Variants in TSPYL1 observed in about 807,000 individuals in gnomAD.
TSPYL1 encodes the protein testis-specific Y-encoded-like protein 1.
A neutral mutation model predicts 20.1 loss-of-function variants in TSPYL1; 16 were observed. The ratio of observed to expected loss-of-function variants is 0.80; its 90% CI spans 0.54 to 1.21. TSPYL1 has a LOEUF of 1.21. Ranked by LOEUF, TSPYL1 falls within the 50% of genes most tolerant of loss-of-function variation. TSPYL1 has a pLI of 0.00. For synonymous variants in TSPYL1, 259 were observed against 227.1 expected (o/e 1.14, Z -1.26); for missense variants, 560 against 569.3 (o/e 0.98, Z 0.17).
At position 116,279,800 on chromosome 6, in the gene TSPYL1, T is replaced by C; in HGVS notation, c.31A>G (p.Thr11Ala). Residue 11 changes from threonine (T) to alanine (A), a missense_variant, in exon 1 of 1, where the codon ACT (threonine) becomes GCT (alanine). Coordinates refer to ENST00000368608, the MANE Select transcript of TSPYL1 (RefSeq NM_003309.4). MSGLDGVKRT[T>A]PLQTHSIIIS... ...ATGATGCTGTGGGTTTGGAGGGGAGTGGTCCTCTTGACCCCATCCAGGCCG... is the reference window on the plus strand; with the variant it reads ...ATGATGCTGTGGGTTTGGAGGGGAGCGGTCCTCTTGACCCCATCCAGGCCG... The C allele has an allele frequency of 1.9e-6, 3 of 1,612,434 alleles. No homozygotes were observed. The highest frequency in any genetic ancestry group is 2.2e-5 in the East Asian group (1 of 44,856).
In TSPYL1 at chr6:116,275,447, C is replaced by A. The variant is rs143817285; in HGVS notation, c.*3070G>T. ...TTTCTGAGAACTAGGTTATTTTGTT[C>A]TTTTTCCTCCATCTGAGTTTTGTCA... On this transcript the variant is annotated 3_prime_UTR_variant, in exon 1 of 1. Transcript: ENST00000368608. Among the ~76,000 whole-genome samples, 6 of 152,320 alleles carry A rather than the reference C, an allele frequency of 3.9e-5. No homozygotes were observed. Among genetic ancestry groups the A allele is most frequent in the South Asian group, 2.1e-4 (1 of 4,828 alleles).
rs1392338895 is a variant in TSPYL1, at chr6:116,279,757, G to C, written c.74C>G (p.Pro25Arg). 5.6e-6 allele frequency: 9 copies of C among 1,612,078 alleles called. No homozygotes were observed. The African/African-American group carries it at 9.3e-5, about 17-fold the overall frequency. Residue 25 changes from proline (P) to arginine (R), a missense_variant, in exon 1 of 1, where the codon CCG becomes CGG. Pro to Arg is a moderately radical substitution (Grantham distance 103). Transcript: ENST00000368608. ...THSIIISDQV[P>R]SDQDAHQYLR... ...GTACTGGTGTGCGTCCTGGTCGCTC[G>C]GGACTTGGTCAGAAATAATGATGCT...
In TSPYL1 at chr6:116,275,531, T is replaced by C. The variant is rs1299650635; in HGVS notation, c.*2986A>G. ...ATTATGCTAGATGGGCTGGGTGCGG[T>C]GGCTCACGCCTGTAATCCCAGCACT... On this transcript the variant is annotated 3_prime_UTR_variant, in exon 1 of 1. Coordinates refer to ENST00000368608, the MANE Select transcript of TSPYL1 (RefSeq NM_003309.4). Among the ~76,000 whole-genome samples the C allele has an allele frequency of 6.6e-6, 1 of 152,238 alleles. No homozygotes were observed. The highest frequency in any genetic ancestry group is 1.5e-5 in the Non-Finnish European group (1 of 68,046).
rs188471879 is a variant in TSPYL1, at chr6:116,275,477, A to G, written c.*3040T>C. 1.5e-3 allele frequency among the ~76,000 whole-genome samples: 222 copies of G among 152,310 alleles called. 1 individual carries two copies. The highest frequency in any genetic ancestry group is 5.1e-3 in the African/African-American group (212 of 41,556). Reference sequence around the variant, plus strand: ...TCCTCCATCTGAGTTTTGTCATTCAATATTTATCTGCTGACAACTATGCAA... The same window carrying G: ...TCCTCCATCTGAGTTTTGTCATTCAGTATTTATCTGCTGACAACTATGCAA... On this transcript the variant is annotated 3_prime_UTR_variant, in exon 1 of 1. Coordinates refer to ENST00000368608, the MANE Select transcript of TSPYL1 (RefSeq NM_003309.4).
In TSPYL1 at chr6:116,276,811, A is replaced by C. The variant is rs929625047; in HGVS notation, c.*1706T>G. 1.3e-5 allele frequency: 2 copies of C among 152,202 alleles called. No homozygotes were observed. Among genetic ancestry groups the C allele is most frequent in the Admixed American group, 6.5e-5 (1 of 15,282 alleles). 9.4% of individuals were successfully genotyped at this position (152,202 alleles called of 1,614,324 possible). A position where few individuals can be genotyped will look rare whatever the true frequency, so the allele number is the denominator to read the frequency against. ...TGGTACACTTCCAATTTGTCAGAGC[A>C]ATTTCACAGTATTTAAGCAATTTAG... On this transcript the variant is annotated 3_prime_UTR_variant, in exon 1 of 1. Coordinates refer to ENST00000368608, the MANE Select transcript of TSPYL1 (RefSeq NM_003309.4).
rs10456904 is a variant in TSPYL1, at chr6:116,277,630, G to A, written c.*887C>T. 36,738 of 151,724 alleles carry A rather than the reference G, an allele frequency of 0.24. 5,562 individuals carry two copies. Among genetic ancestry groups the A allele is most frequent in the East Asian group, 0.64 (3,317 of 5,168 alleles). 9.4% of individuals were successfully genotyped at this position (151,724 alleles called of 1,614,324 possible). A position where few individuals can be genotyped will look rare whatever the true frequency, so the allele number is the denominator to read the frequency against. On this transcript the variant is annotated 3_prime_UTR_variant, in exon 1 of 1. Coordinates refer to ENST00000368608, the MANE Select transcript of TSPYL1 (RefSeq NM_003309.4). Reference sequence around the variant, plus strand: ...AAATAAAAACCTTGCTTTTACAAATGTTTCTGAGCTATCACTTTTTTAAGA... The same window carrying A: ...AAATAAAAACCTTGCTTTTACAAATATTTCTGAGCTATCACTTTTTTAAGA...
rs1773166825 is a variant in TSPYL1 at position 116,276,869 on chromosome 6, CA to C, written c.*1647del. ...GATATATCACTTACTAAGTTGTTAC[CA>C]GGGAAAATTATCATGTAAGACAATC... On this transcript the variant is annotated 3_prime_UTR_variant, in exon 1 of 1. Coordinates refer to ENST00000368608, the MANE Select transcript of TSPYL1 (RefSeq NM_003309.4). 1 of 152,120 alleles carries C rather than the reference CA, an allele frequency of 6.6e-6. No homozygotes were observed. The highest frequency in any genetic ancestry group is 1.5e-5 in the Non-Finnish European group (1 of 68,012). The allele number at this position is 152,120 out of a possible 1,614,324, so 9.4% of individuals were successfully genotyped here. A position where few individuals can be genotyped will look rare whatever the true frequency, so the allele number is the denominator to read the frequency against.
rs1257396451 is a variant in TSPYL1 at position 116,279,014 on chromosome 6, G to C, written c.817C>G (p.Gln273Glu). 1.2e-6 allele frequency: 2 copies of C among 1,614,000 alleles called. No individual in the cohort carries two copies. Among genetic ancestry groups the C allele is most frequent in the Non-Finnish European group, 1.7e-6 (2 of 1,180,004 alleles). ...GTCATCCAGAAGCCCGGGATATTCT[G>C]AATGATGTAGTTCCTCCGCTCCAGG... Reference protein sequence around the residue: ...HYLERRNYIIQNIPGFWMTAF... With the variant: ...HYLERRNYIIENIPGFWMTAF... Residue 273 changes from glutamine to glutamate, a missense_variant, in exon 1 of 1, where the codon CAG becomes GAG. Coordinates refer to ENST00000368608, the MANE Select transcript of TSPYL1 (RefSeq NM_003309.4).
Position 116,279,148 on chromosome 6 carries a change from C to T in TSPYL1, c.683G>A (p.Arg228His). 6.2e-7 allele frequency: 1 copy of T among 1,613,928 alleles called. No individual in the cohort carries two copies. Among genetic ancestry groups the T allele is most frequent in the African/African-American group, 1.3e-5 (1 of 75,038 alleles). The change falls in exon 1 of 1, where the codon CGC becomes CAC. Residue 228 changes from arginine (R) to histidine (H), a missense_variant. Transcript: ENST00000368608. ...EGPWPLHEAL[R>H]MDPLEAIQLE... ...CTGGATGGCCTCCAGAGGGTCCATG[C>T]GGAGAGCCTCATGCAAAGGCCAGGG... is the stretch of plus-strand genomic sequence containing the variant.
At position 116,275,693 on chromosome 6, in the gene TSPYL1, G is replaced by A. The variant is rs1042505773; in HGVS notation, c.*2824C>T. ...CACGTGCCTGTAGTCCCAGCTACTC[G>A]GGAGGCTGATGCTGGAGAACTGCTT... is the stretch of plus-strand genomic sequence containing the variant. On this transcript the variant is annotated 3_prime_UTR_variant, in exon 1 of 1. Coordinates refer to ENST00000368608, the MANE Select transcript of TSPYL1 (RefSeq NM_003309.4). 6.6e-6 allele frequency among the ~76,000 whole-genome samples: 1 copy of A among 152,040 alleles called. No homozygotes were observed. Among genetic ancestry groups the A allele is most frequent in the Non-Finnish European group, 1.5e-5 (1 of 68,016 alleles).
chr6:116,279,171 G>A lies in TSPYL1; in HGVS notation c.660C>T (p.Pro220=). 6.2e-7 allele frequency: 1 copy of A among 1,613,196 alleles called. No homozygotes were observed. The highest frequency in any genetic ancestry group is 8.5e-7 in the Non-Finnish European group (1 of 1,179,926). Residue 220 remains proline, a synonymous_variant, in exon 1 of 1, where the codon CCC becomes CCT. Transcript: ENST00000368608. ...TGCGGAGAGCCTCATGCAAAGGCCAGGGCCCTTCTTCCTCCCTCGCCTCCT... is the reference window on the plus strand; with the variant it reads ...TGCGGAGAGCCTCATGCAAAGGCCAAGGCCCTTCTTCCTCCCTCGCCTCCT... The part of the protein sequence containing the change: ...LEEEAREEEG[P]WPLHEALRMD...
rs1186691121 is a variant in TSPYL1, at chr6:116,275,953, GTTAA to G, written c.*2560_*2563del. The stretch of plus-strand genomic sequence containing the variant: ...GTATTTTATTTTACTGTATCACTCT[GTTAA>G]TTCTTTGTTTGCTTATCAGTCCTTC... On this transcript the variant is annotated 3_prime_UTR_variant, in exon 1 of 1. Transcript: ENST00000368608. Among the ~76,000 whole-genome samples, 9 of 152,198 alleles carry G rather than the reference GTTAA, an allele frequency of 5.9e-5. No individual in the cohort carries two copies. Among genetic ancestry groups the G allele is most frequent in the African/African-American group, 2.2e-4 (9 of 41,454 alleles).
rs1399661065 is a variant in TSPYL1, at chr6:116,279,921, C to T, written c.-91G>A. On this transcript the variant is annotated 5_prime_UTR_variant, in exon 1 of 1. Coordinates refer to ENST00000368608, the MANE Select transcript of TSPYL1 (RefSeq NM_003309.4). ...ACCGCCGCTCGCACCGCCCACCCTA[C>T]AGTCTCACTAACATTTCAGCGGCGG... 3 of 1,561,350 alleles carry T rather than the reference C, an allele frequency of 1.9e-6. No homozygotes were observed. The African/African-American group carries it at 4.1e-5, about 21-fold the overall frequency.
In TSPYL1 at chr6:116,279,575, C is replaced by T. The variant is rs149638466; in HGVS notation, c.256G>A (p.Val86Ile). 284 of 1,602,606 alleles carry T rather than the reference C, an allele frequency of 1.8e-4. No individual in the cohort carries two copies. The African/African-American group carries it at 3.5e-3, about 20-fold the overall frequency. The change falls in exon 1 of 1, where the codon GTT becomes ATT. Residue 86 changes from valine (V) to isoleucine (I), a missense_variant. Transcript: ENST00000368608. The part of the protein sequence containing the change: ...GRGGTPQIRV[V>I]GGRGHVAIKA... Reference sequence around the variant, plus strand: ...ATCGCCACATGACCGCGACCCCCAACAACTCGGATCTGGGGAGTACCGCCA... The same window carrying T: ...ATCGCCACATGACCGCGACCCCCAATAACTCGGATCTGGGGAGTACCGCCA...
In TSPYL1 at chr6:116,279,397, G is replaced by A. The variant is rs1254609585; in HGVS notation, c.434C>T (p.Thr145Met). ...CGAQRSASELTAGAEAEAEEV... is the reference protein window; with the variant it reads ...CGAQRSASELMAGAEAEAEEV... Reference sequence around the variant, plus strand: ...CTCCGCCTCAGCCTCCGCCCCCGCCGTCAGCTCAGACGCGGATCTCTGGGC... The same window carrying A: ...CTCCGCCTCAGCCTCCGCCCCCGCCATCAGCTCAGACGCGGATCTCTGGGC... Residue 145 changes from threonine to methionine, a missense_variant, in exon 1 of 1, where the codon ACG becomes ATG. Coordinates refer to ENST00000368608, the MANE Select transcript of TSPYL1 (RefSeq NM_003309.4). 1.9e-6 allele frequency: 3 copies of A among 1,612,926 alleles called. No homozygotes were observed. Among genetic ancestry groups the A allele is most frequent in the African/African-American group, 1.3e-5 (1 of 74,920 alleles).
At position 116,279,055 on chromosome 6, in the gene TSPYL1, C is replaced by T; in HGVS notation, c.776G>A (p.Arg259Gln). Residue 259 changes from arginine (R) to glutamine (Q), a missense_variant, in exon 1 of 1, where the codon CGG (arginine) becomes CAG (glutamine). Arg to Gln is a conservative substitution (Grantham distance 43). Coordinates refer to ENST00000368608, the MANE Select transcript of TSPYL1 (RefSeq NM_003309.4). ...AFQQLEHKFG[R>Q]MRRHYLERRN... ...CCGCTCCAGGTAGTGTCGACGCATC[C>T]GCCCAAACTTGTGCTCCAGCTGTTG... 2 of 1,613,182 alleles carry T rather than the reference C, an allele frequency of 1.2e-6. No homozygotes were observed. Among genetic ancestry groups the T allele is most frequent in the Non-Finnish European group, 1.7e-6 (2 of 1,179,282 alleles).
chr6:116,275,740 C>T lies in TSPYL1; in HGVS notation c.*2777G>A, dbSNP rs936866017. Reference sequence around the variant, plus strand: ...GCTTGAAACCGGGAGGCGGAAGTTGCAGTGAGCCGAGATCGCGCCACTTGC... The same window carrying T: ...GCTTGAAACCGGGAGGCGGAAGTTGTAGTGAGCCGAGATCGCGCCACTTGC... On this transcript the variant is annotated 3_prime_UTR_variant, in exon 1 of 1. Coordinates refer to ENST00000368608, the MANE Select transcript of TSPYL1 (RefSeq NM_003309.4). Among the ~76,000 whole-genome samples, 4 of 149,752 alleles carry T rather than the reference C, an allele frequency of 2.7e-5. No individual in the cohort carries two copies. The highest frequency in any genetic ancestry group is 3.5e-3 in the Middle Eastern group (1 of 288).
rs1773391956 is a variant in TSPYL1 at position 116,279,793 on chromosome 6, A to T, written c.38T>A (p.Leu13His). ...GLDGVKRTTP[L>H]QTHSIIISDQ... ...AGAAATAATGATGCTGTGGGTTTGG[A>T]GGGGAGTGGTCCTCTTGACCCCATC... Residue 13 changes from leucine (L) to histidine (H), a missense_variant, in exon 1 of 1, where the codon CTC becomes CAC. Physicochemically the swap from Leu to His is moderately conservative, Grantham distance 99 (BLOSUM62 -3). Transcript: ENST00000368608. 1 of 1,612,786 alleles carries T rather than the reference A, an allele frequency of 6.2e-7. No individual in the cohort carries two copies. Among genetic ancestry groups the T allele is most frequent in the Admixed American group, 1.7e-5 (1 of 60,014 alleles).
Position 116,279,507 on chromosome 6 carries a change from C to A in TSPYL1, c.324G>T (p.Leu108=). 6.2e-7 allele frequency: 1 copy of A among 1,610,118 alleles called. No individual in the cohort carries two copies. Among genetic ancestry groups the A allele is most frequent in the South Asian group, 1.1e-5 (1 of 91,092 alleles). The change falls in exon 1 of 1, where the codon CTG becomes CTT. Residue 108 remains leucine, a synonymous_variant. Transcript: ENST00000368608. ...QEEGQPPAEG[L]AAASVVMAAD... ...CTGCCATCACCACAGAAGCGGCTGC[C>A]AGGCCTTCGGCGGGAGGCTGGCCCT...
Sources: gnomAD v4.1 joint callset for allele counts (sites outside exome capture counted in the v4.1 genomes callset) on GRCh38, gnomAD v4.1.1 for gene constraint, MANE v1.5 for transcripts, NCBI Gene and HGNC (gene_info 2026-07-23, HGNC 2026-07-21) for gene names.